Variants in ALK observed in about 807,000 individuals in gnomAD.
ALK encodes the protein ALK receptor tyrosine kinase, also known as ALK tyrosine kinase receptor.
A neutral mutation model predicts 163.1 loss-of-function variants in ALK; 74 were observed. The ratio of observed to expected loss-of-function variants is 0.45; its 90% confidence interval spans 0.38 to 0.55. The LOEUF (loss-of-function observed/expected upper bound fraction) is 0.55. ALK is among the 20% of genes least tolerant of loss of function. ALK has a pLI of 0.00. For synonymous variants in ALK, 960 were observed against 843.2 expected, an observed-to-expected ratio of 1.14 and a Z score of -2.40; for missense variants, 2,063 against 2,105.3, an observed-to-expected ratio of 0.98 and a Z score of 0.39.
At chr2:29,613,787 T>C (rs1315851085) in intron 3 of ALK, among the ~76,000 whole-genome samples, 1 of 152,228 alleles carries the variant, frequency 6.6e-6, no homozygotes, top group Non-Finnish European at 1.5e-5. Context: ...TACTGCCAGA[T>C]GTGATTATCA....
chr2:29,532,690 CT>C (rs1673152812), intron 3 of ALK, among the ~76,000 whole-genome samples: 1 of 152,226 alleles, frequency 6.6e-6, no homozygotes, highest in Admixed American at 6.5e-5. Context: ...GCAAGCCAAT[CT>C]TGATTCCAGT....
At chr2:29,507,238 C>A (rs1321356973) in intron 4 of ALK, among the ~76,000 whole-genome samples, 1 of 152,120 alleles carries the variant, frequency 6.6e-6, no homozygotes. Flanking sequence ...TATGAATGAA[C>A]CTTGAGCACA....
intron 12 of ALK, among the ~76,000 whole-genome samples, chr2:29,244,573 C>G (rs1232870486): frequency 6.6e-6 from 1 of 152,174 alleles, no homozygotes; most frequent in Non-Finnish European, 1.5e-5. Flanking sequence ...CCTTGAAACA[C>G]CTGAGCTTGC....
intron 5 of ALK, among the ~76,000 whole-genome samples, chr2:29,356,998 T>G (rs920185078): frequency 6.6e-6 from 1 of 152,114 alleles, no homozygotes; most frequent in Non-Finnish European, 1.5e-5. Context: ...AACAAACTAC[T>G]CACAGGTAGT....
chr2:29,686,111 T>G (rs1375133205), intron 3 of ALK, among the ~76,000 whole-genome samples: 3 of 152,194 alleles, frequency 2.0e-5, no homozygotes, highest in Non-Finnish European at 4.4e-5. Context: ...AGTAATATCT[T>G]CACAGGTTCT....
At chr2:29,579,863 C>T (rs112348914) in intron 3 of ALK, among the ~76,000 whole-genome samples, 2 of 152,168 alleles carry the variant, frequency 1.3e-5, no homozygotes, top group Admixed American at 6.5e-5. Flanking sequence ...TCTGCACCCC[C>T]CAGAACCCAG....
chr2:29,207,398 G>A (rs764079394), intron 25 of ALK, 126 bp from the exon 26 acceptor site: 3 of 750,850 alleles, frequency 4.0e-6, no homozygotes, highest in Non-Finnish European at 7.1e-6. Flanking sequence ...TTAACCATGA[G>A]TCCTTGGCGG....
chr2:29,442,059 T>C (rs1670558176), intron 4 of ALK, among the ~76,000 whole-genome samples: 1 of 152,122 alleles, frequency 6.6e-6, no homozygotes, highest in Non-Finnish European at 1.5e-5. Context: ...GGAAGCAGGC[T>C]CATAGGTGCA....
At chr2:29,910,992 G>A (rs553138187) in intron 1 of ALK, among the ~76,000 whole-genome samples, 19 of 151,280 alleles carry the variant, frequency 1.3e-4, no homozygotes, top group Middle Eastern at 6.8e-3. Flanking sequence ...ACAACAACAA[G>A]AAAAACAAAA....
In ALK at chr2:29,750,697, A is replaced by AAGGCAGGCAGGC. The variant is rs1398822511; in HGVS notation, c.668-33012_668-33001dup. ...GAAGGAAGGAAGGAAGGAAGGAAGG[A>AAGGCAGGCAGGC]AGGCAGGCAGGCAGGAAGGAAGGAA... On this transcript the variant is annotated intron_variant, in intron 1 of 28. Transcript: ENST00000389048. Among the ~76,000 whole-genome samples, 135 of 84,622 alleles carry AAGGCAGGCAGGC rather than the reference A, an allele frequency of 1.6e-3. 2 individuals carry two copies. The highest frequency in any genetic ancestry group is 3.8e-3 in the Admixed American group (29 of 7,550). The allele number at this position is 84,622 out of a possible 152,430, so 55.5% of individuals were successfully genotyped here.
chr2:29,441,946 G>A (rs111331729), intron 4 of ALK, among the ~76,000 whole-genome samples: 2 of 152,186 alleles, frequency 1.3e-5, no homozygotes, highest in African/African-American at 4.8e-5. Context: ...TTGTCTTGTA[G>A]AGGCACAAAT....
chr2:29,532,621 C>T (rs1198568473), intron 3 of ALK, among the ~76,000 whole-genome samples: 3 of 152,198 alleles, frequency 2.0e-5, no homozygotes, highest in South Asian at 2.1e-4. Context: ...CTGGTCTCCA[C>T]AGAAAAAGCC....
At chr2:29,433,384 G>A (rs986816091) in intron 4 of ALK, among the ~76,000 whole-genome samples, 11 of 152,188 alleles carry the variant, frequency 7.2e-5, no homozygotes, top group African/African-American at 2.7e-4. Flanking sequence ...CAAGTTTCTA[G>A]AGGGTTTTGA....
intron 8 of ALK, among the ~76,000 whole-genome samples, chr2:29,306,866 T>C (rs1320460386): frequency 6.6e-6 from 1 of 152,148 alleles, no homozygotes; most frequent in East Asian, 1.9e-4. Flanking sequence ...GACAAGTGAG[T>C]AGAGACAACA....
At chr2:29,440,355 C>T (rs1166141314) in intron 4 of ALK, among the ~76,000 whole-genome samples, 2 of 136,226 alleles carry the variant, frequency 1.5e-5, no homozygotes, top group East Asian at 4.3e-4. Context: ...GTCTCTGTTG[C>T]CAAGTAGCTG....
At chr2:29,498,459 TG>T (rs1005822943) in intron 4 of ALK, among the ~76,000 whole-genome samples, 16 of 152,206 alleles carry the variant, frequency 1.1e-4, no homozygotes, top group Non-Finnish European at 1.5e-5. Context: ...ATGCTTTCTC[TG>T]TGTCGACCTC....
At chr2:29,816,003 C>T (rs886825406) in intron 1 of ALK, among the ~76,000 whole-genome samples, 6 of 152,216 alleles carry the variant, frequency 3.9e-5, no homozygotes, top group East Asian at 3.8e-4. Context: ...ACATGGCCAA[C>T]GGCATTTGTG....
At chr2:29,757,569 TGCAA>T (rs1680572103) in intron 1 of ALK, among the ~76,000 whole-genome samples, 1 of 148,846 alleles carries the variant, frequency 6.7e-6, no homozygotes, top group South Asian at 2.2e-4. Context: ...CTAAATATTG[TGCAA>T]GCATCTTGTT....
chr2:29,813,592 T>C (rs1448892224), intron 1 of ALK, among the ~76,000 whole-genome samples: 1 of 152,182 alleles, frequency 6.6e-6, no homozygotes, highest in Non-Finnish European at 1.5e-5. Flanking sequence ...ATAAATTTCC[T>C]AGAACTTACA....
Sources: allele counts gnomAD v4.1 joint callset (sites outside exome capture counted in the v4.1 genomes callset), GRCh38; gene constraint gnomAD v4.1.1; transcripts MANE v1.5; gene names NCBI Gene and HGNC (gene_info 2026-07-23, HGNC 2026-07-21).